The following PRRX1 variants were observed in gnomAD, a reference collection of about 807,000 sequenced individuals.
The protein encoded by PRRX1 is paired mesoderm homeobox protein 1.
PRRX1 carries 8 observed loss-of-function variants against 24.0 expected under a neutral mutation model. The ratio of observed to expected loss-of-function variants is 0.33; its 90% confidence interval spans 0.20 to 0.60. PRRX1 has a LOEUF of 0.60. Ranked by LOEUF, PRRX1 falls within the 20% of genes least tolerant of loss-of-function variation. PRRX1 has a pLI of 0.82. For synonymous variants in PRRX1, 160 were observed against 131.7 expected (o/e 1.22, Z -1.47); for missense variants, 281 against 322.4 (o/e 0.87, Z 0.98).
intron 1 of PRRX1, among the ~76,000 whole-genome samples, chr1:170,717,724 A>G (rs1654953019): frequency 6.6e-6 from 1 of 152,238 alleles, no homozygotes; most frequent in Non-Finnish European, 1.5e-5. Flanking sequence ...ATTTGGAAAA[A>G]TGAATAGGAA....
At chr1:170,702,707 A>T (rs1386531137) in intron 1 of PRRX1, among the ~76,000 whole-genome samples, 2 of 152,228 alleles carry the variant, frequency 1.3e-5, no homozygotes, top group Non-Finnish European at 2.9e-5. Context: ...GCTCAAATTT[A>T]AAATTTTAGT....
At chr1:170,681,837 A>C (rs1653556198) in intron 1 of PRRX1, among the ~76,000 whole-genome samples, 1 of 152,234 alleles carries the variant, frequency 6.6e-6, no homozygotes, top group Non-Finnish European at 1.5e-5. Context: ...GCATCACCTA[A>C]TATTGAATTG....
chr1:170,730,522 T>C, intron 3 of PRRX1: 1 of 608,494 alleles, frequency 1.6e-6, no homozygotes, highest in Non-Finnish European at 2.9e-6. Flanking sequence ...AAATGAAGCA[T>C]AGTGTGATAC....
chr1:170,729,481 G>A (rs1259500744), intron 3 of PRRX1, among the ~76,000 whole-genome samples: 3 of 152,142 alleles, frequency 2.0e-5, no homozygotes, highest in Non-Finnish European at 2.9e-5. Flanking sequence ...ATTTTGGGTT[G>A]GAAAATAGCC....
intron 1 of PRRX1, among the ~76,000 whole-genome samples, chr1:170,690,876 C>T (rs1301202781): frequency 1.3e-5 from 2 of 152,044 alleles, no homozygotes; most frequent in African/African-American, 4.8e-5. Context: ...CAAGTTAGCT[C>T]GATGCAGTCT....
intron 1 of PRRX1, among the ~76,000 whole-genome samples, chr1:170,713,994 G>T (rs1466027446): frequency 6.6e-6 from 1 of 152,194 alleles, no homozygotes; most frequent in Non-Finnish European, 1.5e-5. Flanking sequence ...GGGCTATGCT[G>T]TTGAGACGAT....
At chr1:170,721,519 C>T (rs1270934384) in intron 2 of PRRX1, among the ~76,000 whole-genome samples, 4 of 152,038 alleles carry the variant, frequency 2.6e-5, no homozygotes, top group African/African-American at 9.7e-5. Context: ...AAAGTGTGAA[C>T]GCTTTCCCAC....
chr1:170,698,630 G>A (rs770852938), intron 1 of PRRX1, among the ~76,000 whole-genome samples: 1 of 152,170 alleles, frequency 6.6e-6, no homozygotes, highest in Admixed American at 6.5e-5. Flanking sequence ...TCAGCTTTCA[G>A]ATATCTATCT....
chr1:170,677,064 TA>T (rs577139367), intron 1 of PRRX1, among the ~76,000 whole-genome samples: 24 of 152,058 alleles, frequency 1.6e-4, no homozygotes, highest in African/African-American at 4.1e-4. Context: ...CAAGTAACAA[TA>T]AAAAAAACAA....
chr1:170,684,632 A>G (rs1653668420), intron 1 of PRRX1, among the ~76,000 whole-genome samples: 1 of 152,130 alleles, frequency 6.6e-6, no homozygotes, highest in African/African-American at 2.4e-5. Flanking sequence ...ACACGCCTGT[A>G]ATCCCAGCTA....
chr1:170,717,926 A>G (rs570261997), intron 1 of PRRX1, among the ~76,000 whole-genome samples: 1 of 152,278 alleles, frequency 6.6e-6, no homozygotes, highest in African/African-American at 2.4e-5. Flanking sequence ...AAAAATTATT[A>G]TTAAATTTGC....
At chr1:170,719,705 C>T (rs1317563021) in intron 1 of PRRX1, 21 bp from the exon 2 acceptor site, 2 of 1,613,462 alleles carry the variant, frequency 1.2e-6, no homozygotes, top group Non-Finnish European at 1.7e-6. Flanking sequence ...GGCTTCTTTT[C>T]ATCATTGTGT....
chr1:170,726,569 C>A, intron 3 of PRRX1, 168 bp downstream of exon 3: 1 of 812,020 alleles, frequency 1.2e-6, no homozygotes, highest in Non-Finnish European at 1.9e-6. Flanking sequence ...TATAAGCTGC[C>A]CCAGCAGCAG....
intron 1 of PRRX1, among the ~76,000 whole-genome samples, chr1:170,712,174 G>A (rs1654772953): frequency 6.6e-6 from 1 of 152,048 alleles, no homozygotes; most frequent in Non-Finnish European, 1.5e-5. Context: ...CTGAGTACTA[G>A]AATCTATTTG....
At chr1:170,720,942 A>G (rs1655061413) in intron 2 of PRRX1, among the ~76,000 whole-genome samples, 1 of 152,232 alleles carries the variant, frequency 6.6e-6, no homozygotes, top group Non-Finnish European at 1.5e-5. Context: ...TCTTTACATA[A>G]GTAATTTATT....
intron 1 of PRRX1, among the ~76,000 whole-genome samples, chr1:170,683,825 T>C (rs1653635420): frequency 6.6e-6 from 1 of 152,184 alleles, no homozygotes; most frequent in South Asian, 2.1e-4. Context: ...GTTTCCTAGG[T>C]CTTAGTCTCT....
rs142214272 is a variant in PRRX1 at position 170,698,688 on chromosome 1, G to A, written c.242-21038G>A. 5.4e-3 allele frequency among the ~76,000 whole-genome samples: 823 copies of A among 152,266 alleles called. 10 individuals are homozygous for A. Among genetic ancestry groups the A allele is most frequent in the African/African-American group, 0.017 (707 of 41,552 alleles). ...AGAACACATTCAGAGCAGAATTGGC[G>A]TAAAGTTGTTGCTGATTTGATTTGG... On this transcript the variant is annotated intron_variant, in intron 1 of 3. Coordinates refer to ENST00000239461, the MANE Select transcript of PRRX1 (RefSeq NM_022716.4).
intron 1 of PRRX1, among the ~76,000 whole-genome samples, chr1:170,692,779 G>A (rs1212499838): frequency 2.1e-5 from 3 of 143,028 alleles, no homozygotes; most frequent in East Asian, 2.0e-4. Flanking sequence ...ACGTGCACAC[G>A]CACATGCATC....
At chr1:170,681,505 A>AAC (rs56117775) in intron 1 of PRRX1, among the ~76,000 whole-genome samples, 4 of 151,788 alleles carry the variant, frequency 2.6e-5, no homozygotes, top group African/African-American at 7.3e-5. Flanking sequence ...AAAAAAAAAA[A>AAC]CCCTCTTAAT....
Sources: gnomAD v4.1 joint callset for allele counts (sites outside exome capture counted in the v4.1 genomes callset) on GRCh38, gnomAD v4.1.1 for gene constraint, MANE v1.5 for transcripts, NCBI Gene and HGNC (gene_info 2026-07-23, HGNC 2026-07-21) for gene names.